The following TLK1 variants were observed in gnomAD, a reference collection of about 807,000 sequenced individuals.
TLK1 encodes tousled like kinase 1.
TLK1 carries 24 observed loss-of-function variants against 105.3 expected under a neutral mutation model. The ratio of observed to expected loss-of-function variants is 0.23; its 90% confidence interval spans 0.17 to 0.32. The LOEUF is 0.32. Ranked by LOEUF, TLK1 falls within the 10% of genes least tolerant of loss-of-function variation. The probability of loss-of-function intolerance (pLI) is 1.00; values close to 1 mark genes in which losing one functional copy is unlikely to be tolerated. For synonymous variants in TLK1, 321 were observed against 310.4 expected (o/e 1.03, Z -0.36); for missense variants, 558 against 910.5 (o/e 0.61, Z 4.98).
At chr2:171,074,038 G>A (rs555375399) in intron 3 of TLK1, among the ~76,000 whole-genome samples, 4 of 152,060 alleles carry the variant, frequency 2.6e-5, no homozygotes, top group African/African-American at 9.6e-5. Flanking sequence ...TTACAGGCAT[G>A]TGCCACCACG....
chr2:170,999,783 C>T (rs1193290386), intron 18 of TLK1, among the ~76,000 whole-genome samples: 5 of 151,600 alleles, frequency 3.3e-5, no homozygotes, highest in African/African-American at 4.8e-5. Context: ...TTTTTGAGAC[C>T]GGGTCTCACT....
intron 1 of TLK1, among the ~76,000 whole-genome samples, chr2:171,211,506 A>G (rs1045768289): frequency 2.0e-5 from 3 of 152,114 alleles, no homozygotes; most frequent in African/African-American, 4.8e-5. Context: ...TTTTGCACAG[A>G]CTACACTCAG....
chr2:171,081,695 C>T (rs1688760340), intron 3 of TLK1: 4 of 1,304,272 alleles, frequency 3.1e-6, no homozygotes, highest in East Asian at 5.5e-5. Flanking sequence ...CTTTCAGCTG[C>T]CTGCCAGTTG....
chr2:171,006,064 G>T, intron 18 of TLK1, 83 bp downstream of exon 18: 2 of 1,319,100 alleles, frequency 1.5e-6, no homozygotes, highest in Middle Eastern at 2.0e-4. Flanking sequence ...TGGCTACATG[G>T]AAATAAAAAA....
intron 1 of TLK1, among the ~76,000 whole-genome samples, chr2:171,123,495 G>A (rs1359115451): frequency 1.3e-5 from 2 of 152,166 alleles, no homozygotes; most frequent in Non-Finnish European, 2.9e-5. Context: ...GAGCCACCAC[G>A]CCTGGCCTCA....
chr2:171,028,131 C>CAGG (rs1685867431), intron 12 of TLK1, among the ~76,000 whole-genome samples: 2 of 152,082 alleles, frequency 1.3e-5, no homozygotes, highest in Non-Finnish European at 2.9e-5. Flanking sequence ...CCGCTGCACT[C>CAGG]CAGCCTGAGT....
chr2:171,151,718 G>A (rs982329402), intron 1 of TLK1, among the ~76,000 whole-genome samples: 15 of 151,254 alleles, frequency 9.9e-5, no homozygotes, highest in Non-Finnish European at 1.8e-4. Context: ...CTCGTGATCC[G>A]CCCGCCTCAG....
intron 1 of TLK1, among the ~76,000 whole-genome samples, chr2:171,127,594 A>G (rs1218230729): frequency 6.6e-6 from 1 of 152,080 alleles, no homozygotes; most frequent in Non-Finnish European, 1.5e-5. Context: ...CCCTCACATG[A>G]ATTCAATAAA....
chr2:171,103,754 T>C (rs1024596178), intron 2 of TLK1, among the ~76,000 whole-genome samples: 1 of 152,234 alleles, frequency 6.6e-6, no homozygotes, highest in African/African-American at 2.4e-5. Context: ...GTTTTTCTTT[T>C]TCTCCTTCTC....
intron 1 of TLK1, among the ~76,000 whole-genome samples, chr2:171,226,540 T>C (rs1190914785): frequency 1.3e-5 from 2 of 152,182 alleles, no homozygotes; most frequent in Admixed American, 6.5e-5. Flanking sequence ...TGTACAGATT[T>C]ATGAAGAAAA....
chr2:171,097,537 T>C (rs1201150006), intron 2 of TLK1, among the ~76,000 whole-genome samples: 1 of 152,070 alleles, frequency 6.6e-6, no homozygotes, highest in Non-Finnish European at 1.5e-5. Flanking sequence ...AAAGAGACAA[T>C]CTACATAATG....
At chr2:171,109,013 GAAC>G (rs753788940) in intron 2 of TLK1, among the ~76,000 whole-genome samples, 2 of 152,090 alleles carry the variant, frequency 1.3e-5, no homozygotes, top group African/African-American at 4.8e-5. Context: ...AAAAAGAATA[GAAC>G]AAGAGATACA....
chr2:171,079,795 T>C (rs969070925), intron 3 of TLK1, among the ~76,000 whole-genome samples: 1 of 152,112 alleles, frequency 6.6e-6, no homozygotes, highest in Admixed American at 6.6e-5. Flanking sequence ...ATAGTAAGGG[T>C]AGAAGAAAAC....
At chr2:171,079,262 G>A (rs574264517) in intron 3 of TLK1, among the ~76,000 whole-genome samples, 10 of 152,180 alleles carry the variant, frequency 6.6e-5, no homozygotes, top group African/African-American at 2.2e-4. Context: ...TTAAAAACTC[G>A]ACTATCATCT....
intron 14 of TLK1, among the ~76,000 whole-genome samples, chr2:171,007,906 G>C (rs770015841): frequency 6.6e-6 from 1 of 151,948 alleles, no homozygotes; most frequent in East Asian, 1.9e-4. Flanking sequence ...TAAAAACACA[G>C]AATGATCAGT....
At chr2:171,201,865 T>A (rs764920646) in intron 1 of TLK1, among the ~76,000 whole-genome samples, 1 of 152,194 alleles carries the variant, frequency 6.6e-6, no homozygotes, top group Non-Finnish European at 1.5e-5. Flanking sequence ...CCACTATGAC[T>A]ATGAACTTAG....
rs779601504 is a variant in TLK1 at position 171,160,412 on chromosome 2, C to T, written c.17G>A (p.Ser6Asn). Residue 6 changes from serine (S) to asparagine (N), a missense_variant, in exon 1 of 21, where the codon AGC (serine) becomes AAC (asparagine). Ser to Asn is a conservative substitution (Grantham distance 46, BLOSUM62 1). Transcript: ENST00000431350. This position sits in a 1 kb window ranked among gnomAD's most constrained non-coding sequence, Gnocchi z 4.4. ...TGGCGGCCCCTCCAAACTTCCACTG[C>T]TACTTTGGACACTCATCAAGCTACT... Reference protein sequence around the residue: MSVQSSSGSLEGPPSW... With the variant: MSVQSNSGSLEGPPSW... The T allele has an allele frequency of 2.5e-6, 4 of 1,602,988 alleles. No homozygotes were observed. The highest frequency in any genetic ancestry group is 3.4e-5 in the Admixed American group (2 of 58,602).
At chr2:171,104,914 G>A (rs1377266753) in intron 2 of TLK1, among the ~76,000 whole-genome samples, 6 of 152,092 alleles carry the variant, frequency 3.9e-5, no homozygotes, top group East Asian at 1.9e-4. Flanking sequence ...ACTAATCTTC[G>A]ACAAAGGCAC....
intron 14 of TLK1, among the ~76,000 whole-genome samples, chr2:171,009,515 C>T (rs1259110885): frequency 6.6e-6 from 1 of 151,914 alleles, no homozygotes; most frequent in Non-Finnish European, 1.5e-5. Context: ...CCATGTTGCC[C>T]AGACTGGTCT....
Sources: gnomAD v4.1 joint callset for allele counts (sites outside exome capture counted in the v4.1 genomes callset) on GRCh38, gnomAD v4.1.1 for gene constraint, Gnocchi (gnomAD v3.1) non-coding constraint, MANE v1.5 for transcripts, NCBI Gene and HGNC (gene_info 2026-07-23, HGNC 2026-07-21) for gene names.